The following CDH26 variants were observed in gnomAD, a reference collection of about 807,000 sequenced individuals.
CDH26 encodes cadherin-like protein 26.
In CDH26, 83 loss-of-function variants were observed where a neutral mutation model predicts 90.3. The ratio of observed to expected loss-of-function variants is 0.92; its 90% CI spans 0.77 to 1.10. The LOEUF is 1.10. Ranked by LOEUF, CDH26 falls within the 50% of genes least tolerant of loss-of-function variation. The probability of loss-of-function intolerance (pLI) is 0.00; values close to 1 mark genes in which losing one functional copy is unlikely to be tolerated. For synonymous variants in CDH26, 397 were observed against 396.3 expected, an observed-to-expected ratio of 1.00 and a Z score of -0.02; for missense variants, 1,013 against 1,037.6, an observed-to-expected ratio of 0.98 and a Z score of 0.33.
chr20:60,008,854 C>T (rs765760752), intron 17 of CDH26, among the ~76,000 whole-genome samples: 2 of 152,214 alleles, frequency 1.3e-5, no homozygotes, highest in Non-Finnish European at 2.9e-5. Context: ...TGCTTCAAGA[C>T]AACACAGACA....
chr20:59,987,635 C>A lies in CDH26; in HGVS notation c.1020C>A (p.Ile340=). 6.2e-7 allele frequency: 1 copy of A among 1,608,902 alleles called. No homozygotes were observed. The highest frequency in any genetic ancestry group is 1.1e-5 in the South Asian group (1 of 89,958). Reference sequence around the variant, plus strand: ...CCAACGAAGGGATATTAAATGTTATCAAGGTAACACCATACCGGTGACATA... The same window carrying A: ...CCAACGAAGGGATATTAAATGTTATAAAGGTAACACCATACCGGTGACATA... ...PETNEGILNV[I]KPLDYETRPA... Residue 340 remains isoleucine (I), a synonymous_variant, in exon 8 of 18, where the codon ATC becomes ATA. Transcript: ENST00000348616.
intron 8 of CDH26, 122 bp from the exon 9 acceptor site, chr20:59,988,782 C>T (rs999430076): frequency 2.2e-5 from 22 of 996,002 alleles, no homozygotes; most frequent in African/African-American, 8.2e-5. Context: ...TCAAAGACAA[C>T]GTAAATAATA....
downstream of CDH26, among the ~76,000 whole-genome samples, chr20:60,014,932 C>G (rs1477843397): frequency 6.6e-6 from 1 of 152,148 alleles, no homozygotes; most frequent in East Asian, 1.9e-4. Flanking sequence ...CGTATGGGTT[C>G]CCTTTACTCA....
intron 3 of CDH26, among the ~76,000 whole-genome samples, chr20:59,971,416 G>A (rs942027697): frequency 2.6e-5 from 4 of 152,198 alleles, no homozygotes; most frequent in Admixed American, 2.6e-4. Context: ...GTTAAGGCAA[G>A]CAAGGCATAT....
chr20:60,018,743 G>C (rs1217840984), downstream of CDH26, among the ~76,000 whole-genome samples: 1 of 25,284 alleles, frequency 4.0e-5, no homozygotes, highest in Non-Finnish European at 8.8e-5. Flanking sequence ...TTTTGCAGTT[G>C]GGTGGTTTCC....
Position 59,985,072 on chromosome 20 carries a change from C to G in CDH26, c.780C>G (p.Thr260=). The G allele has an allele frequency of 6.2e-7, 1 of 1,613,998 alleles. No individual in the cohort carries two copies. The highest frequency in any genetic ancestry group is 8.5e-7 in the Non-Finnish European group (1 of 1,179,940). The change falls in exon 7 of 18, where the codon ACC becomes ACG. Residue 260 remains threonine (T), a synonymous_variant. Transcript: ENST00000348616. ...AACCGTCACTGTCATCCACGACCAC[C>G]GTTCACGTGGATGTGCAAGAAGGCA... ...CGEPSLSSTT[T]VHVDVQEGNN...
chr20:60,002,384 C>A (rs988913308), intron 15 of CDH26, among the ~76,000 whole-genome samples: 1 of 151,788 alleles, frequency 6.6e-6, no homozygotes, highest in South Asian at 2.1e-4. Flanking sequence ...ACAGGGCCTC[C>A]CACTCTAAAG....
intron 17 of CDH26, among the ~76,000 whole-genome samples, chr20:60,007,423 A>C (rs559919494): frequency 1.3e-5 from 2 of 152,344 alleles, no homozygotes; most frequent in East Asian, 3.9e-4. Flanking sequence ...GCAGTCTTCT[A>C]TTCAACATTA....
At chr20:59,968,827 A>G in intron 1 of CDH26, 140 bp from the exon 2 acceptor site, 1 of 452,882 alleles carries the variant, frequency 2.2e-6, no homozygotes, top group Non-Finnish European at 4.0e-6. Flanking sequence ...TGTAGAGGAT[A>G]AGAAATTCTA....
intron 13 of CDH26, 56 bp downstream of exon 13, chr20:59,996,817 A>G (rs1261289485): frequency 6.3e-7 from 1 of 1,596,292 alleles, no homozygotes; most frequent in Non-Finnish European, 8.6e-7. Flanking sequence ...ATACACAGAC[A>G]TATAGCATGT....
intron 17 of CDH26, among the ~76,000 whole-genome samples, chr20:60,009,137 G>T (rs2061794689): frequency 6.6e-6 from 1 of 152,212 alleles, no homozygotes; most frequent in Middle Eastern, 3.2e-3. Context: ...ACCCAATGTG[G>T]TAGATGAATC....
At chr20:59,998,131 A>C (rs139934198) in intron 13 of CDH26, among the ~76,000 whole-genome samples, 2 of 152,366 alleles carry the variant, frequency 1.3e-5, no homozygotes, top group Non-Finnish European at 2.9e-5. Flanking sequence ...CCATCTGGAC[A>C]AACAGCAGTC....
chr20:59,994,167 T>C, intron 10 of CDH26, 83 bp from the exon 11 acceptor site: 3 of 1,545,458 alleles, frequency 1.9e-6, no homozygotes, highest in Non-Finnish European at 1.8e-6. Context: ...GAATATTTTT[T>C]TTCTGAGAGA....
intron 7 of CDH26, among the ~76,000 whole-genome samples, chr20:59,986,882 C>G (rs1453788270): frequency 6.6e-6 from 1 of 152,136 alleles, no homozygotes; most frequent in Non-Finnish European, 1.5e-5. Flanking sequence ...TAATATTATG[C>G]TTGAACCTTG....
intron 16 of CDH26, among the ~76,000 whole-genome samples, chr20:60,003,105 CT>C (rs1302350775): frequency 6.6e-6 from 1 of 152,188 alleles, no homozygotes; most frequent in Admixed American, 6.5e-5. Context: ...ATTTCTTTTG[CT>C]GTTGAGTTGC....
Position 59,958,678 on chromosome 20 carries a change from AG to A in CDH26, c.-47del. 1 of 1,569,150 alleles carries A rather than the reference AG, an allele frequency of 6.4e-7. No individual in the cohort carries two copies. Among genetic ancestry groups the A allele is most frequent in the Non-Finnish European group, 8.8e-7 (1 of 1,139,560 alleles). On this transcript the variant is annotated 5_prime_UTR_variant, in exon 1 of 18. Coordinates refer to ENST00000348616, the MANE Select transcript of CDH26 (RefSeq NM_177980.4). ...GGCTCCGGTGAGACCACCAGCTTGG[AG>A]GACTGGTCATCAGCTGCACGTTCTG...
At chr20:60,007,946 C>T (rs77342852) in intron 17 of CDH26, among the ~76,000 whole-genome samples, 16 of 152,272 alleles carry the variant, frequency 1.1e-4, no homozygotes, top group East Asian at 5.8e-4. Context: ...ACAGCCACTG[C>T]GTACTCCTGG....
chr20:59,987,946 TTC>T (rs1205617481), intron 8 of CDH26, among the ~76,000 whole-genome samples: 1 of 152,218 alleles, frequency 6.6e-6, no homozygotes, highest in Non-Finnish European at 1.5e-5. Context: ...AAAATGATTA[TTC>T]TTTTTCAGAT....
chr20:59,969,265 G>A (rs982578123), intron 2 of CDH26, among the ~76,000 whole-genome samples: 4 of 152,290 alleles, frequency 2.6e-5, no homozygotes, highest in African/African-American at 9.6e-5. Context: ...TACACCATAA[G>A]CATGGAGGTT....
Sources: gnomAD v4.1 joint callset for allele counts (sites outside exome capture counted in the v4.1 genomes callset) on GRCh38, gnomAD v4.1.1 for gene constraint, MANE v1.5 for transcripts, NCBI Gene and HGNC (gene_info 2026-07-23, HGNC 2026-07-21) for gene names.